The following DENND1B variants were observed in gnomAD, a reference collection of about 807,000 sequenced individuals.
The protein encoded by DENND1B is DENN domain containing 1B.
DENND1B carries 59 observed loss-of-function variants against 90.1 expected under a neutral mutation model. The observed-to-expected ratio is 0.65, with a 90% confidence interval of 0.53 to 0.81. DENND1B has a LOEUF of 0.81. Ranked by LOEUF, DENND1B falls within the 40% of genes least tolerant of loss-of-function variation. The pLI is 0.00. For synonymous variants in DENND1B, 337 were observed against 324.6 expected, an observed-to-expected ratio of 1.04 and a Z score of -0.41; for missense variants, 862 against 912.6, an observed-to-expected ratio of 0.94 and a Z score of 0.71.
rs1462839942 is a variant in DENND1B, at chr1:197,580,516, G to A, written c.1149+2636C>T. Among the ~76,000 whole-genome samples, 7 of 152,230 alleles carry A rather than the reference G, an allele frequency of 4.6e-5. No homozygotes were observed. In the East Asian group the frequency reaches 1.4e-3, roughly 29 times the overall value. ...GCCTGGCTGAAGGTGATTTCCTGAA[G>A]AGGGAATATATGTTTGCCTCTTCCT... On this transcript the variant is annotated intron_variant, in intron 15 of 22. Transcript: ENST00000620048.
rs758600063 is a variant in DENND1B, at chr1:197,642,944, T to C, written c.562-123A>G. ...TATTATTATTTAAAATGGTATTTAT[T>C]AAAATAATTAAGTGTAATACTAGTC... On this transcript the variant is annotated intron_variant, in intron 9 of 22. Coordinates refer to ENST00000620048, the MANE Select transcript of DENND1B (RefSeq NM_001195215.2). 26 of 623,578 alleles carry C rather than the reference T, an allele frequency of 4.2e-5. No homozygotes were observed. In the Admixed American group the frequency reaches 5.6e-4, roughly 13 times the overall value. 38.6% of individuals were successfully genotyped at this position (623,578 alleles called of 1,614,324 possible). A position where few individuals can be genotyped will look rare whatever the true frequency, so the allele number is the denominator to read the frequency against.
chr1:197,568,509 C>A (rs757058876), intron 15 of DENND1B, among the ~76,000 whole-genome samples: 3 of 151,994 alleles, frequency 2.0e-5, no homozygotes, highest in Non-Finnish European at 4.4e-5. Flanking sequence ...TCCTAAAATT[C>A]ATATGGAACC....
intron 13 of DENND1B, among the ~76,000 whole-genome samples, chr1:197,597,740 G>C (rs1558287928): frequency 6.6e-6 from 1 of 151,770 alleles, no homozygotes; most frequent in Non-Finnish European, 1.5e-5. Context: ...GTCAATGATA[G>C]CTCCTGAGAT....
rs1027965093 is a variant in DENND1B, at chr1:197,644,850, A to G, written c.561+840T>C. On this transcript the variant is annotated intron_variant, in intron 9 of 22. Coordinates refer to ENST00000620048, the MANE Select transcript of DENND1B (RefSeq NM_001195215.2). ...ACATTTGGAAAAACACTAGAATCCC[A>G]AAGTAAATAATAAGTATATATTGAA... is the stretch of plus-strand genomic sequence containing the variant. Among the ~76,000 whole-genome samples the G allele has an allele frequency of 2.0e-5, 3 of 152,214 alleles. No homozygotes were observed. The South Asian group carries it at 6.2e-4, about 32-fold the overall frequency.
upstream of DENND1B, among the ~76,000 whole-genome samples, chr1:197,776,055 AC>A (rs1419034082): frequency 1.3e-5 from 2 of 152,212 alleles, no homozygotes; most frequent in Non-Finnish European, 2.9e-5. Context: ...ACATTCCTAT[AC>A]CACAGACTGC....
At chr1:197,672,178 AAAC>A in intron 4 of DENND1B, 22 bp from the exon 5 acceptor site, 1 of 1,582,038 alleles carries the variant, frequency 6.3e-7, no homozygotes, top group Non-Finnish European at 8.6e-7. Context: ...TAACATTAGG[AAAC>A]ATTGTGCCTT....
chr1:197,734,796 T>C (rs1662485044), intron 2 of DENND1B: 1 of 983,532 alleles, frequency 1.0e-6, no homozygotes, highest in African/African-American at 1.7e-5. Context: ...GAAACATAAA[T>C]ATGCTTTTTT....
chr1:197,583,005 C>A (rs11589930), intron 15 of DENND1B, 147 bp downstream of exon 15: 305 of 636,880 alleles, frequency 4.8e-4, no homozygotes, highest in Non-Finnish European at 7.1e-4. Flanking sequence ...TATGTCATAA[C>A]TAGCTACGAC....
At chr1:197,594,555 T>C (rs770173332) in intron 14 of DENND1B, among the ~76,000 whole-genome samples, 11 of 152,178 alleles carry the variant, frequency 7.2e-5, no homozygotes, top group Non-Finnish European at 1.6e-4. Flanking sequence ...TAATAATTTC[T>C]GTAAAATCAG....
intron 15 of DENND1B, among the ~76,000 whole-genome samples, chr1:197,562,506 G>A (rs1193188728): frequency 6.6e-6 from 1 of 151,862 alleles, no homozygotes; most frequent in African/African-American, 2.4e-5. Flanking sequence ...ATGGTGATCT[G>A]TGATCAGTGA....
chr1:197,648,426 T>C (rs1194589055), intron 7 of DENND1B, among the ~76,000 whole-genome samples: 2 of 152,170 alleles, frequency 1.3e-5, no homozygotes, highest in East Asian at 3.8e-4. Context: ...GATGAAGTGT[T>C]TCAATAGCTG....
chr1:197,721,343 A>T (rs1232176392), intron 2 of DENND1B, among the ~76,000 whole-genome samples: 2 of 152,064 alleles, frequency 1.3e-5, no homozygotes, highest in Non-Finnish European at 2.9e-5. Flanking sequence ...TGCTGGGATT[A>T]CAGGCTTGAG....
intron 3 of DENND1B, among the ~76,000 whole-genome samples, chr1:197,701,196 T>C (rs1358038996): frequency 2.6e-5 from 4 of 152,142 alleles, no homozygotes; most frequent in African/African-American, 7.2e-5. Flanking sequence ...CCATCAATGA[T>C]AGACTGGATA....
In DENND1B at chr1:197,508,987, C is replaced by T. The variant is rs1449806950; in HGVS notation, c.*1473G>A. The T allele has an allele frequency of 6.6e-6, 1 of 151,666 alleles. No homozygotes were observed. Among genetic ancestry groups the T allele is most frequent in the Non-Finnish European group, 1.5e-5 (1 of 67,808 alleles). The allele number at this position is 151,666 out of a possible 1,614,324, so 9.4% of individuals were successfully genotyped here. The stretch of plus-strand genomic sequence containing the variant: ...GGGGAATTATGACTCCTCACTCCTG[C>T]ATGTAGTGACTTCCTTCCAAAAATG... On this transcript the variant is annotated 3_prime_UTR_variant, in exon 23 of 23. Transcript: ENST00000620048.
intron 2 of DENND1B, among the ~76,000 whole-genome samples, chr1:197,738,880 C>CA: frequency 6.6e-6 from 1 of 152,070 alleles, no homozygotes; most frequent in Admixed American, 6.5e-5. Context: ...CTGGAGTTTC[C>CA]AGGATGTGGC....
In DENND1B at chr1:197,510,443, A is replaced by T; in HGVS notation, c.*17T>A. 1.3e-6 allele frequency: 2 copies of T among 1,584,256 alleles called. No homozygotes were observed. Among genetic ancestry groups the T allele is most frequent in the Non-Finnish European group, 1.7e-6 (2 of 1,165,066 alleles). On this transcript the variant is annotated 3_prime_UTR_variant, in exon 23 of 23. Coordinates refer to ENST00000620048, the MANE Select transcript of DENND1B (RefSeq NM_001195215.2). Reference sequence around the variant, plus strand: ...ATTGAATCTCAAAATGTCTCCATAGAAGCTTGGATGCAAGATTTAAGTTTG... The same window carrying T: ...ATTGAATCTCAAAATGTCTCCATAGTAGCTTGGATGCAAGATTTAAGTTTG...
At chr1:197,655,562 C>T (rs1217187913) in intron 6 of DENND1B, among the ~76,000 whole-genome samples, 7 of 149,858 alleles carry the variant, frequency 4.7e-5, no homozygotes, top group African/African-American at 9.8e-5. Flanking sequence ...GACGGAGTCT[C>T]GCTCTGTCGC....
At chr1:197,702,346 C>T (rs1659118318) in intron 3 of DENND1B, among the ~76,000 whole-genome samples, 1 of 152,124 alleles carries the variant, frequency 6.6e-6, no homozygotes, top group African/African-American at 2.4e-5. Flanking sequence ...TTTTATTCTA[C>T]TTGGGTATGT....
intron 15 of DENND1B, among the ~76,000 whole-genome samples, chr1:197,580,835 G>A (rs191716491): frequency 1.9e-4 from 29 of 152,246 alleles, no homozygotes; most frequent in Non-Finnish European, 3.8e-4. Flanking sequence ...TTCTCATCTT[G>A]TAAAGTGAGC....
Sources: allele counts gnomAD v4.1 joint callset (sites outside exome capture counted in the v4.1 genomes callset), GRCh38; gene constraint gnomAD v4.1.1; transcripts MANE v1.5; gene names NCBI Gene and HGNC (gene_info 2026-07-23, HGNC 2026-07-21).